DLD: variants seen among roughly 807,000 people sequenced by gnomAD.
DLD encodes dihydrolipoyl dehydrogenase, mitochondrial.
Under a neutral mutation model 62.2 loss-of-function variants are expected in DLD, and 36 were observed. The ratio of observed to expected loss-of-function variants is 0.58; its 90% CI spans 0.44 to 0.76. DLD has a LOEUF of 0.76. Among genes scored for constraint, DLD ranks in the 30% least tolerant of loss-of-function variants. The pLI is 0.00. For missense variants in DLD, 541 were observed against 608.6 expected (o/e 0.89, Z 1.17); for synonymous variants, 204 against 199.6 (o/e 1.02, Z -0.19).
At chr7:107,893,905 T>G (rs557064638) in intron 2 of DLD, among the ~76,000 whole-genome samples, 2 of 152,352 alleles carry the variant, frequency 1.3e-5, no homozygotes, top group African/African-American at 4.8e-5. Context: ...ATGTTTACAT[T>G]TAAAAAGTTA....
chr7:107,894,814 G>T (rs2031677387), intron 2 of DLD, among the ~76,000 whole-genome samples: 1 of 152,186 alleles, frequency 6.6e-6, no homozygotes, highest in Non-Finnish European at 1.5e-5. Flanking sequence ...TGTGTGTAAA[G>T]TGTGTAAAAG....
intron 8 of DLD, among the ~76,000 whole-genome samples, chr7:107,912,859 A>G (rs894501651): frequency 1.3e-5 from 2 of 152,168 alleles, no homozygotes; most frequent in Non-Finnish European, 2.9e-5. Flanking sequence ...GGTCTTACAC[A>G]GTAAGTCTTT....
At chr7:107,912,839 A>G (rs1292615887) in intron 8 of DLD, among the ~76,000 whole-genome samples, 2 of 152,012 alleles carry the variant, frequency 1.3e-5, no homozygotes, top group East Asian at 1.9e-4. Flanking sequence ...TTAGTTGCCT[A>G]TGCTTTTGAG....
At chr7:107,901,270 G>A (rs2031868932) in intron 2 of DLD, among the ~76,000 whole-genome samples, 1 of 152,106 alleles carries the variant, frequency 6.6e-6, no homozygotes, top group Non-Finnish European at 1.5e-5. Flanking sequence ...ATTGAAGGCA[G>A]TGTTTTCATC....
intron 2 of DLD, among the ~76,000 whole-genome samples, chr7:107,895,828 CT>C (rs979319380): frequency 6.6e-6 from 1 of 151,966 alleles, no homozygotes; most frequent in African/African-American, 2.4e-5. Context: ...TACTGTAATT[CT>C]TTTTTTTATT....
chr7:107,905,387 G>T lies in DLD; in HGVS notation c.465G>T (p.Lys155Asn). 6.2e-7 allele frequency: 1 copy of T among 1,613,688 alleles called. No individual in the cohort carries two copies. Among genetic ancestry groups the T allele is most frequent in the Non-Finnish European group, 8.5e-7 (1 of 1,179,648 alleles). The change falls in exon 7 of 14, where the codon AAG becomes AAT. Residue 155 changes from lysine to asparagine, a missense_variant. Transcript: ENST00000205402. ...TTGTTCATGTCAATGGATATGGAAAGATAACTGGCAAAAATCAAGTCACTG... is the reference window on the plus strand; with the variant it reads ...TTGTTCATGTCAATGGATATGGAAATATAACTGGCAAAAATCAAGTCACTG... ...NKVVHVNGYG[K>N]ITGKNQVTAT...
At chr7:107,905,114 A>C in intron 6 of DLD, 56 bp downstream of exon 6, 2 of 1,280,038 alleles carry the variant, frequency 1.6e-6, no homozygotes, top group East Asian at 4.9e-5. Flanking sequence ...TAAACTTTGC[A>C]TTATAGAGTG....
chr7:107,914,338 T>C (rs1000344536), intron 8 of DLD, among the ~76,000 whole-genome samples: 1 of 152,158 alleles, frequency 6.6e-6, no homozygotes, highest in African/African-American at 2.4e-5. Context: ...GCTTCTGTTT[T>C]TGTGTTCTCA....
At position 107,891,189 on chromosome 7, in the gene DLD, G is replaced by A. The variant is rs979075082; in HGVS notation, c.-62G>A. ...ATGCGCAGGGAGGGGAGACCTTGGCGGAGCGGCGGAGGCGCCCAGCGGAGG... is the reference window on the plus strand; with the variant it reads ...ATGCGCAGGGAGGGGAGACCTTGGCAGAGCGGCGGAGGCGCCCAGCGGAGG... On this transcript the variant is annotated 5_prime_UTR_variant, in exon 1 of 14. Coordinates refer to ENST00000205402, the MANE Select transcript of DLD (RefSeq NM_000108.5). 2.5e-6 allele frequency: 4 copies of A among 1,601,114 alleles called. No homozygotes were observed. Among genetic ancestry groups the A allele is most frequent in the Non-Finnish European group, 3.4e-6 (4 of 1,169,128 alleles).
At chr7:107,911,169 C>G (rs1024511052) in intron 8 of DLD, among the ~76,000 whole-genome samples, 1 of 152,136 alleles carries the variant, frequency 6.6e-6, no homozygotes, top group African/African-American at 2.4e-5. Context: ...CTTTGCTCAG[C>G]CCCTGGAAAC....
intron 5 of DLD, among the ~76,000 whole-genome samples, chr7:107,904,054 AATT>A (rs2031944246): frequency 6.6e-6 from 1 of 152,118 alleles, no homozygotes; most frequent in Non-Finnish European, 1.5e-5. Context: ...TTTTGTCTCC[AATT>A]ATTGTTGTTG....
chr7:107,908,926 G>A (rs962091798), intron 8 of DLD, among the ~76,000 whole-genome samples: 4 of 152,022 alleles, frequency 2.6e-5, no homozygotes, highest in Non-Finnish European at 5.9e-5. Flanking sequence ...TTAATGTTTA[G>A]TACTTAGGTC....
At chr7:107,901,973 G>A (rs1030005772) in intron 3 of DLD, among the ~76,000 whole-genome samples, 156 bp downstream of exon 3, 3 of 152,118 alleles carry the variant, frequency 2.0e-5, no homozygotes, top group African/African-American at 7.2e-5. Context: ...GGTTCATTTG[G>A]TTGTAGTATT....
Position 107,902,355 on chromosome 7 carries a change from G to A in DLD, c.229G>A (p.Gly77Ser). 1 of 1,613,810 alleles carries A rather than the reference G, an allele frequency of 6.2e-7. No individual in the cohort carries two copies. Among genetic ancestry groups the A allele is most frequent in the Non-Finnish European group, 8.5e-7 (1 of 1,179,844 alleles). The change falls in exon 4 of 14, where the codon GGT becomes AGT. Residue 77 changes from glycine (G) to serine (S), a missense_variant. By Grantham distance (56) the Gly-to-Ser change is moderately conservative. Transcript: ENST00000205402. ...CTGCATTGAGAAAAATGAAACACTT[G>A]GTGGAACATGCTTGAATGTTGGTTG... ...TVCIEKNETLGGTCLNVGCIP... is the reference protein window; with the variant it reads ...TVCIEKNETLSGTCLNVGCIP...
rs182209334 is a variant in DLD at position 107,909,535 on chromosome 7, T to A, written c.684+3167T>A. Among the ~76,000 whole-genome samples, 129 of 152,266 alleles carry A rather than the reference T, an allele frequency of 8.5e-4. 3 individuals carry two copies. In the South Asian group the frequency reaches 0.017, roughly 20 times the overall value. ...AGGATATCATGAGATTTTCTTAAAA[T>A]TTTTTTTAACACCTTGCTGATATCA... On this transcript the variant is annotated intron_variant, in intron 8 of 13. Transcript: ENST00000205402.
At chr7:107,916,491 G>T (rs1482479652) in intron 9 of DLD, among the ~76,000 whole-genome samples, 6 of 152,094 alleles carry the variant, frequency 3.9e-5, no homozygotes, top group Admixed American at 3.9e-4. Context: ...TGGCAACATG[G>T]TGAAACCCCG....
intron 2 of DLD, among the ~76,000 whole-genome samples, chr7:107,900,013 C>G (rs1385380036): frequency 3.3e-5 from 5 of 151,958 alleles, no homozygotes; most frequent in Non-Finnish European, 1.5e-5. Flanking sequence ...ATACTTAATT[C>G]TGAACCGAAA....
rs144590106 is a variant in DLD at position 107,906,293 on chromosome 7, T to C, written c.609T>C (p.Ser203=). The change falls in exon 8 of 14, where the codon TCT becomes TCC. Residue 203 remains serine (S), a synonymous_variant. Transcript: ENST00000205402. Reference sequence around the variant, plus strand: ...TAGATGAAGATACAATAGTGTCATCTACAGGTGCTTTATCTTTAAAAAAAG... The same window carrying C: ...TAGATGAAGATACAATAGTGTCATCCACAGGTGCTTTATCTTTAAAAAAAG... The part of the protein sequence containing the change: ...ITIDEDTIVS[S]TGALSLKKVP... 8.1e-6 allele frequency: 13 copies of C among 1,602,604 alleles called. No individual in the cohort carries two copies. In the African/African-American group the frequency reaches 1.1e-4, roughly 13 times the overall value.
intron 1 of DLD, 26 bp from the exon 2 acceptor site, chr7:107,893,174 A>G (rs374855473): frequency 1.6e-5 from 25 of 1,597,760 alleles, no homozygotes; most frequent in East Asian, 4.5e-5. Context: ...CATATCTTAC[A>G]TAATAGGGAC....
Sources: allele counts gnomAD v4.1 joint callset (sites outside exome capture counted in the v4.1 genomes callset), GRCh38; gene constraint gnomAD v4.1.1; transcripts MANE v1.5; gene names NCBI Gene and HGNC (gene_info 2026-07-23, HGNC 2026-07-21).